Variants in NFE2L2 observed in about 807,000 individuals in gnomAD.
NFE2L2 encodes NFE2 like bZIP transcription factor 2.
Under a neutral mutation model 49.6 loss-of-function variants are expected in NFE2L2, and 20 were observed. The observed-to-expected ratio is 0.40, with a 90% CI of 0.28 to 0.59. The LOEUF (loss-of-function observed/expected upper bound fraction) is 0.59. Among genes scored for constraint, NFE2L2 ranks in the 20% least tolerant of loss-of-function variants. The probability of loss-of-function intolerance (pLI) is 0.40; values close to 1 mark genes in which losing one functional copy is unlikely to be tolerated. For synonymous variants in NFE2L2, 244 were observed against 256.5 expected (o/e 0.95, Z 0.47); for missense variants, 578 against 714.2 (o/e 0.81, Z 2.17).
At chr2:177,246,899 T>G (rs1038135164) in intron 1 of NFE2L2, among the ~76,000 whole-genome samples, 1 of 151,852 alleles carries the variant, frequency 6.6e-6, no homozygotes, top group South Asian at 2.1e-4. Flanking sequence ...CACCCAGACT[T>G]TGCCTCACTA....
chr2:177,245,473 T>C (rs1690091078), intron 1 of NFE2L2, among the ~76,000 whole-genome samples: 1 of 152,214 alleles, frequency 6.6e-6, no homozygotes, highest in South Asian at 2.1e-4. Flanking sequence ...CTCTTGCTCT[T>C]GTCTGCTGGC....
chr2:177,264,706 GGCTCCC>G lies in NFE2L2; in HGVS notation c.-136_-131del. 1.3e-6 allele frequency: 1 copy of G among 763,704 alleles called. No homozygotes were observed. Among genetic ancestry groups the G allele is most frequent in the Non-Finnish European group, 1.8e-6 (1 of 543,738 alleles). 47.3% of individuals were successfully genotyped at this position (763,704 alleles called of 1,614,324 possible). A position where few individuals can be genotyped will look rare whatever the true frequency, so the allele number is the denominator to read the frequency against. The stretch of plus-strand genomic sequence containing the variant: ...GGCGGCTGCGTCGGCGGCTCCTCCG[GGCTCCC>G]CGGCACTCGGTAATCGGCTACACGC... On this transcript the variant is annotated 5_prime_UTR_variant, in exon 1 of 5. Transcript: ENST00000397062.
At chr2:177,256,017 A>G (rs887502233) in intron 1 of NFE2L2, 7 of 154,732 alleles carry the variant, frequency 4.5e-5, no homozygotes, top group African/African-American at 1.7e-4. Flanking sequence ...GGAAGTCACT[A>G]CCAGGAATTT....
intron 1 of NFE2L2, chr2:177,264,327 G>C: frequency 2.0e-6 from 1 of 511,988 alleles, no homozygotes; most frequent in Non-Finnish European, 3.3e-6. Flanking sequence ...CGGGCTCGTG[G>C]TCGGTCGGAT....
At chr2:177,251,929 C>A (rs1690354392) in intron 1 of NFE2L2, among the ~76,000 whole-genome samples, 1 of 143,380 alleles carries the variant, frequency 7.0e-6, no homozygotes, top group African/African-American at 2.6e-5. Context: ...TGGCGTGAAC[C>A]CGGGAGGCGG....
chr2:177,231,437 T>C lies in NFE2L2; in HGVS notation c.1166A>G (p.Lys389Arg), dbSNP rs200494292. Residue 389 changes from lysine to arginine, a missense_variant, in exon 5 of 5, where the codon AAA (lysine) becomes AGA (arginine). This residue lies in a region of NFE2L2 where 368 missense variants were observed against 384.6 expected (regional missense o/e 0.96). Coordinates refer to ENST00000397062, the MANE Select transcript of NFE2L2 (RefSeq NM_006164.5). ...TACTGGTGTTTTAGGACCATTCTGT[T>C]TGACACTTCCAGGGGCACTATCTAG... ...EELDSAPGSV[K>R]QNGPKTPVHS... is the part of the protein sequence containing the mutation. 86 of 1,614,160 alleles carry C rather than the reference T, an allele frequency of 5.3e-5. 1 individual carries two copies. The South Asian group carries it at 8.1e-4, about 15-fold the overall frequency.
chr2:177,231,307 T>TA lies in NFE2L2; in HGVS notation c.1295dup (p.Ser433LysfsTer26). On this transcript the variant is annotated frameshift_variant, in exon 5 of 5. Coordinates refer to ENST00000397062, the MANE Select transcript of NFE2L2 (RefSeq NM_006164.5). LOFTEE classifies it high-confidence loss of function. ...ATGGGGTTTTCCGATGACCAGGACT[T>TA]ACAGGCAATTCTTTCTCTGGTGTGT... 6.2e-7 allele frequency: 1 copy of TA among 1,614,282 alleles called. No individual in the cohort carries two copies. The highest frequency in any genetic ancestry group is 8.5e-7 in the Non-Finnish European group (1 of 1,180,050).
chr2:177,234,616 G>A (rs1689676062), intron 1 of NFE2L2, among the ~76,000 whole-genome samples: 1 of 152,216 alleles, frequency 6.6e-6, no homozygotes, highest in Admixed American at 6.5e-5. Flanking sequence ...AGAAATTAGA[G>A]CAAGCACTCT....
chr2:177,251,776 T>C (rs897018029), intron 1 of NFE2L2, among the ~76,000 whole-genome samples: 1 of 151,462 alleles, frequency 6.6e-6, no homozygotes, highest in African/African-American at 2.4e-5. Context: ...GAGGCCGAGG[T>C]GGGCGGATCA....
chr2:177,258,247 T>A (rs911249935), intron 1 of NFE2L2, among the ~76,000 whole-genome samples: 1 of 152,202 alleles, frequency 6.6e-6, no homozygotes, highest in Non-Finnish European at 1.5e-5. Context: ...TATGCAGCCA[T>A]AAAAAGGAAT....
At position 177,230,720 on chromosome 2, in the gene NFE2L2, C is replaced by A. The variant is rs1222592100; in HGVS notation, c.*65G>T. 6.7e-7 allele frequency: 1 copy of A among 1,492,490 alleles called. No homozygotes were observed. The highest frequency in any genetic ancestry group is 2.5e-5 in the Admixed American group (1 of 40,328). The allele number at this position is 1,492,490 out of a possible 1,614,324, so 92.5% of individuals were successfully genotyped here. On this transcript the variant is annotated 3_prime_UTR_variant, in exon 5 of 5. Coordinates refer to ENST00000397062, the MANE Select transcript of NFE2L2 (RefSeq NM_006164.5). Reference sequence around the variant, plus strand: ...TATAAAGTATGAGCATTTCACATCACAGTAGGAGCTTTTAGTATAATAGTA... The same window carrying A: ...TATAAAGTATGAGCATTTCACATCAAAGTAGGAGCTTTTAGTATAATAGTA...
chr2:177,232,957 T>C lies in NFE2L2; in HGVS notation c.402+293A>G. 6.1e-6 allele frequency: 3 copies of C among 491,818 alleles called. No individual in the cohort carries two copies. The East Asian group carries it at 9.9e-5, about 16-fold the overall frequency. 30.5% of individuals were successfully genotyped at this position (491,818 alleles called of 1,614,324 possible). A position where few individuals can be genotyped will look rare whatever the true frequency, so the allele number is the denominator to read the frequency against. On this transcript the variant is annotated intron_variant, in intron 3 of 4. Transcript: ENST00000397062. Reference sequence around the variant, plus strand: ...TTTACTCACCAAACCTCTTAGATACTTGCAGCAAATGGGTTATTTGTTTCC... The same window carrying C: ...TTTACTCACCAAACCTCTTAGATACCTGCAGCAAATGGGTTATTTGTTTCC...
Position 177,259,463 on chromosome 2 carries a change from G to A in NFE2L2, c.45+5069C>T, listed in dbSNP as rs878999433. ...ACACAGGTATTATAGTACATATGCC[G>A]TAAAAACGAATGATTAAACGTGCCT... On this transcript the variant is annotated intron_variant, in intron 1 of 4. Transcript: ENST00000397062. Among the ~76,000 whole-genome samples the A allele has an allele frequency of 2.0e-5, 3 of 152,100 alleles. No individual in the cohort carries two copies. In the East Asian group the frequency reaches 5.8e-4, roughly 29 times the overall value.
rs866446473 is a variant in NFE2L2 at position 177,231,311 on chromosome 2, G to A, written c.1292C>T (p.Pro431Leu). The change falls in exon 5 of 5, where the codon CCT (proline) becomes CTT (leucine). Residue 431 changes from proline (P) to leucine (L), a missense_variant. Coordinates refer to ENST00000397062, the MANE Select transcript of NFE2L2 (RefSeq NM_006164.5). ...GGTTTTCCGATGACCAGGACTTACA[G>A]GCAATTCTTTCTCTGGTGTGTTCTC... ...QCENTPEKEL[P>L]VSPGHRKTPF... 2 of 1,614,264 alleles carry A rather than the reference G, an allele frequency of 1.2e-6. No homozygotes were observed. Among genetic ancestry groups the A allele is most frequent in the Non-Finnish European group, 1.7e-6 (2 of 1,180,056 alleles).
At chr2:177,251,565 C>T (rs1447895339) in intron 1 of NFE2L2, among the ~76,000 whole-genome samples, 4 of 152,196 alleles carry the variant, frequency 2.6e-5, no homozygotes, top group Non-Finnish European at 2.9e-5. Context: ...CTAGGGCACA[C>T]ACCAGGCCTG....
intron 1 of NFE2L2, among the ~76,000 whole-genome samples, chr2:177,254,829 A>G (rs1690461146): frequency 6.6e-6 from 1 of 152,238 alleles, no homozygotes; most frequent in African/African-American, 2.4e-5. Context: ...GCTACCTGCA[A>G]GCAGTGTTGT....
chr2:177,236,354 G>A (rs1689750645), intron 1 of NFE2L2, among the ~76,000 whole-genome samples: 1 of 152,200 alleles, frequency 6.6e-6, no homozygotes, highest in Non-Finnish European at 1.5e-5. Flanking sequence ...CATTATTCTA[G>A]CCTTGAACAA....
chr2:177,250,835 C>T (rs970130792), intron 1 of NFE2L2, among the ~76,000 whole-genome samples: 2 of 152,300 alleles, frequency 1.3e-5, no homozygotes, highest in Admixed American at 6.5e-5. Context: ...GCCTAGCCAC[C>T]GAACCTCCCT....
intron 1 of NFE2L2, 138 bp from the exon 2 acceptor site, chr2:177,234,409 A>G: frequency 9.9e-7 from 1 of 1,006,346 alleles, no homozygotes; most frequent in Non-Finnish European, 1.4e-6. Flanking sequence ...GAGAACACAG[A>G]TCCAATGTTC....
Sources: allele counts gnomAD v4.1 joint callset (sites outside exome capture counted in the v4.1 genomes callset), GRCh38; gene constraint gnomAD v4.1.1; regional missense constraint gnomAD v4.1.1; transcripts MANE v1.5; gene names NCBI Gene and HGNC (gene_info 2026-07-23, HGNC 2026-07-21).